Variants in SLC16A10 observed in about 807,000 individuals in gnomAD.
SLC16A10 encodes the protein solute carrier family 16 member 10, also known as monocarboxylate transporter 10.
A neutral mutation model predicts 40.0 loss-of-function variants in SLC16A10; 27 were observed. That is an observed-to-expected ratio of 0.67 (90% CI 0.50 to 0.93). The LOEUF (loss-of-function observed/expected upper bound fraction) is 0.93. SLC16A10 is among the 40% of genes least tolerant of loss of function. The pLI is 0.00. For missense variants in SLC16A10, 529 were observed against 658.2 expected (o/e 0.80, Z 2.15); for synonymous variants, 213 against 249.8 (o/e 0.85, Z 1.39).
chr6:111,223,460 C>T lies in SLC16A10; in HGVS notation c.*1225C>T, dbSNP rs959582953. 1 of 152,122 alleles carries T rather than the reference C, an allele frequency of 6.6e-6. No homozygotes were observed. Among genetic ancestry groups the T allele is most frequent in the African/African-American group, 2.4e-5 (1 of 41,424 alleles). The allele number at this position is 152,122 out of a possible 1,614,324, so 9.4% of individuals were successfully genotyped here. A position where few individuals can be genotyped will look rare whatever the true frequency, so the allele number is the denominator to read the frequency against. ...TCATTTACAAAAACAAGAACACTTTCCTCTATCCCTAAAATTATGCTTTAG... is the reference window on the plus strand; with the variant it reads ...TCATTTACAAAAACAAGAACACTTTTCTCTATCCCTAAAATTATGCTTTAG... On this transcript the variant is annotated 3_prime_UTR_variant, in exon 6 of 6. Transcript: ENST00000368851.
chr6:111,158,475 TC>T (rs1237337317), intron 1 of SLC16A10, among the ~76,000 whole-genome samples: 1 of 152,070 alleles, frequency 6.6e-6, no homozygotes, highest in African/African-American at 2.4e-5. Context: ...GCAACCTAGA[TC>T]CCCTGCATGC....
rs1049523095 is a variant in SLC16A10, at chr6:111,226,930, A to G, written c.*4695A>G. ...TAGGATCACCAGAGCCCAGGGTTCA[A>G]GACTCAGCCTGGGCAACATAGTGAG... On this transcript the variant is annotated 3_prime_UTR_variant, in exon 6 of 6. Coordinates refer to ENST00000368851, the MANE Select transcript of SLC16A10 (RefSeq NM_018593.5). The G allele has an allele frequency of 6.6e-6, 1 of 152,272 alleles. No individual in the cohort carries two copies. The highest frequency in any genetic ancestry group is 1.5e-5 in the Non-Finnish European group (1 of 68,086). The allele number at this position is 152,272 out of a possible 1,614,324, so 9.4% of individuals were successfully genotyped here. A position where few individuals can be genotyped will look rare whatever the true frequency, so the allele number is the denominator to read the frequency against.
chr6:111,140,034 C>A (rs1771953360), intron 1 of SLC16A10, among the ~76,000 whole-genome samples: 1 of 151,692 alleles, frequency 6.6e-6, no homozygotes, highest in Non-Finnish European at 1.5e-5. Context: ...GGGAGAGGAG[C>A]AAAAAAGATA....
intron 1 of SLC16A10, among the ~76,000 whole-genome samples, chr6:111,107,010 G>C (rs1300288575): frequency 6.6e-6 from 1 of 152,172 alleles, no homozygotes; most frequent in Non-Finnish European, 1.5e-5. Context: ...TTTAGGAAGT[G>C]AGTCTTTTGG....
intron 1 of SLC16A10, among the ~76,000 whole-genome samples, chr6:111,108,350 A>G (rs1371602822): frequency 6.6e-6 from 1 of 151,942 alleles, no homozygotes; most frequent in East Asian, 1.9e-4. Context: ...GCTTTATCTG[A>G]CTTCTTTTTC....
At position 111,172,747 on chromosome 6, in the gene SLC16A10, C is replaced by A; in HGVS notation, c.396C>A (p.Val132=). The stretch of plus-strand genomic sequence containing the variant: ...TGATTTTCTTTTGCTGCCCAATAGT[C>A]AGCGTCTTCACAGACCTATTTGGTT... ...MGMIFFCCPI[V]SVFTDLFGCR... Residue 132 remains valine (V), a synonymous_variant, in exon 2 of 6, where the codon GTC becomes GTA. Transcript: ENST00000368851. The A allele has an allele frequency of 1.9e-6, 3 of 1,614,116 alleles. No homozygotes were observed. The highest frequency in any genetic ancestry group is 2.5e-6 in the Non-Finnish European group (3 of 1,180,020).
intron 1 of SLC16A10, among the ~76,000 whole-genome samples, chr6:111,141,622 A>G (rs1269702454): frequency 6.6e-6 from 1 of 152,224 alleles, no homozygotes; most frequent in East Asian, 1.9e-4. Context: ...AGATCACACC[A>G]TTGCACTCCA....
At chr6:111,092,413 G>A (rs549887003) in intron 1 of SLC16A10, among the ~76,000 whole-genome samples, 3 of 136,472 alleles carry the variant, frequency 2.2e-5, no homozygotes, top group East Asian at 4.7e-4. Context: ...ACTGCCTCCC[G>A]GATGCAAGCA....
intron 3 of SLC16A10, among the ~76,000 whole-genome samples, chr6:111,182,068 G>A (rs1190729906): frequency 1.3e-5 from 2 of 151,030 alleles, no homozygotes; most frequent in Non-Finnish European, 2.9e-5. Flanking sequence ...GTGCAATCCC[G>A]GCTCACTGCA....
chr6:111,165,470 C>T (rs1160383568), intron 1 of SLC16A10, among the ~76,000 whole-genome samples: 2 of 152,132 alleles, frequency 1.3e-5, no homozygotes, highest in Non-Finnish European at 2.9e-5. Context: ...TTTAAATATG[C>T]CTATAGCTTG....
Position 111,087,851 on chromosome 6 carries a change from G to T in SLC16A10, c.99G>T (p.Pro33=). The T allele has an allele frequency of 7.0e-7, 1 of 1,423,000 alleles. No individual in the cohort carries two copies. The highest frequency in any genetic ancestry group is 9.1e-7 in the Non-Finnish European group (1 of 1,096,632). 88.1% of individuals were successfully genotyped at this position (1,423,000 alleles called of 1,614,324 possible). ...APTGAAPPPG[P]GPSDSPEAAV... is the part of the protein sequence containing the mutation. ...CGGGGGCCGCTCCGCCGCCCGGCCCGGGACCCTCGGACAGCCCCGAGGCGG... is the reference window on the plus strand; with the variant it reads ...CGGGGGCCGCTCCGCCGCCCGGCCCTGGACCCTCGGACAGCCCCGAGGCGG... The change falls in exon 1 of 6, where the codon CCG becomes CCT. Residue 33 remains proline, a synonymous_variant. Coordinates refer to ENST00000368851, the MANE Select transcript of SLC16A10 (RefSeq NM_018593.5).
At chr6:111,212,137 G>C (rs1045432772) in intron 4 of SLC16A10, among the ~76,000 whole-genome samples, 1 of 152,018 alleles carries the variant, frequency 6.6e-6, no homozygotes, top group East Asian at 1.9e-4. Flanking sequence ...GGAGGCTGCC[G>C]AGCCCAAGAG....
intron 3 of SLC16A10, chr6:111,178,517 C>A: frequency 2.0e-6 from 1 of 489,340 alleles, no homozygotes; most frequent in Non-Finnish European, 4.1e-6. Context: ...TCAAGACCAG[C>A]GTGGGCAACA....
intron 1 of SLC16A10, among the ~76,000 whole-genome samples, chr6:111,118,679 CAAAAAAAAAA>C (rs74273023): frequency 3.0e-5 from 2 of 66,554 alleles, no homozygotes; most frequent in African/African-American, 5.8e-5. Flanking sequence ...GCCTCCGTCT[CAAAAAAAAAA>C]AAAAAAAAAA....
intron 1 of SLC16A10, among the ~76,000 whole-genome samples, chr6:111,168,585 T>C (rs1205261773): frequency 1.3e-5 from 2 of 152,226 alleles, no homozygotes; most frequent in Admixed American, 1.3e-4. Flanking sequence ...AGATGCCATG[T>C]TAAAACTTGA....
chr6:111,222,467 C>T lies in SLC16A10; in HGVS notation c.*232C>T. On this transcript the variant is annotated 3_prime_UTR_variant, in exon 6 of 6. Transcript: ENST00000368851. ...CTGGTATATGAAAACGTCTGAAAGT[C>T]ACATATTGTGAAAATTTGAAGCTAT... 2.4e-6 allele frequency: 1 copy of T among 418,422 alleles called. No homozygotes were observed. The highest frequency in any genetic ancestry group is 4.1e-6 in the Non-Finnish European group (1 of 246,452). 25.9% of individuals were successfully genotyped at this position (418,422 alleles called of 1,614,324 possible). A position where few individuals can be genotyped will look rare whatever the true frequency, so the allele number is the denominator to read the frequency against.
intron 3 of SLC16A10, among the ~76,000 whole-genome samples, chr6:111,196,805 A>T (rs1562430104): frequency 6.6e-6 from 1 of 152,196 alleles, no homozygotes; most frequent in African/African-American, 2.4e-5. Flanking sequence ...TAATCTAGAG[A>T]TTAATTAAAG....
intron 1 of SLC16A10, among the ~76,000 whole-genome samples, chr6:111,125,594 A>AT (rs1406266106): frequency 6.6e-6 from 1 of 152,070 alleles, no homozygotes; most frequent in Admixed American, 6.5e-5. Context: ...GAGGCATGTA[A>AT]TTTTTTTGGA....
intron 1 of SLC16A10, among the ~76,000 whole-genome samples, chr6:111,151,044 G>A (rs1315225301): frequency 6.6e-6 from 1 of 152,042 alleles, no homozygotes; most frequent in East Asian, 1.9e-4. Flanking sequence ...TCCATCAGGT[G>A]ACCTCTAGTA....
Sources: allele counts gnomAD v4.1 joint callset (sites outside exome capture counted in the v4.1 genomes callset), GRCh38; gene constraint gnomAD v4.1.1; transcripts MANE v1.5; gene names NCBI Gene and HGNC (gene_info 2026-07-23, HGNC 2026-07-21).